Variants in RNF213 observed in about 807,000 individuals in gnomAD.
RNF213 encodes the protein E3 ubiquitin-protein ligase RNF213.
RNF213 carries 341 observed loss-of-function variants against 514.4 expected under a neutral mutation model. The observed-to-expected ratio is 0.66, with a 90% confidence interval of 0.61 to 0.73. RNF213 has a LOEUF of 0.73. Among genes scored for constraint, RNF213 ranks in the 30% least tolerant of loss-of-function variants. RNF213 has a pLI of 0.00. For synonymous variants in RNF213, 2,655 were observed against 2,658.2 expected, an observed-to-expected ratio of 1.00 and a Z score of 0.04; for missense variants, 5,767 against 6,615.6, an observed-to-expected ratio of 0.87 and a Z score of 4.45.
chr17:80,329,131 A>G (rs1432291741), intron 20 of RNF213, among the ~76,000 whole-genome samples: 1 of 152,148 alleles, frequency 6.6e-6, no homozygotes, highest in Non-Finnish European at 1.5e-5. Context: ...TCCACCTCCT[A>G]GGAGCCTTTG....
chr17:80,322,253 TG>T (rs1307959642), intron 17 of RNF213, among the ~76,000 whole-genome samples: 1 of 139,142 alleles, frequency 7.2e-6, no homozygotes, highest in African/African-American at 2.7e-5. Context: ...CTCAACCTCC[TG>T]GGCTGAAGTG....
intron 28 of RNF213, among the ~76,000 whole-genome samples, 162 bp downstream of exon 28, chr17:80,344,177 T>G (rs1003377664): frequency 3.3e-5 from 5 of 152,236 alleles, no homozygotes; most frequent in African/African-American, 1.2e-4. Flanking sequence ...TTAAACTCAC[T>G]TTTTAATCAT....
intron 22 of RNF213, among the ~76,000 whole-genome samples, chr17:80,334,925 CTTT>C (rs79024264): frequency 8.1e-6 from 1 of 123,514 alleles, no homozygotes; most frequent in Admixed American, 8.4e-5. Flanking sequence ...TGCACCTGGC[CTTT>C]TTTTTTTTTT....
At chr17:80,311,866 C>T (rs948194641) in intron 14 of RNF213, among the ~76,000 whole-genome samples, 2 of 152,218 alleles carry the variant, frequency 1.3e-5, no homozygotes, top group African/African-American at 4.8e-5. Flanking sequence ...GTAGCTCACA[C>T]CTGTAATCCC....
intron 3 of RNF213, among the ~76,000 whole-genome samples, chr17:80,277,169 G>A (rs2145186184): frequency 6.6e-6 from 1 of 152,272 alleles, no homozygotes; most frequent in East Asian, 1.9e-4. Context: ...GATACAAGAG[G>A]CCATGTATGA....
At chr17:80,326,652 T>C (rs1171067513) in intron 18 of RNF213, among the ~76,000 whole-genome samples, 3 of 152,244 alleles carry the variant, frequency 2.0e-5, no homozygotes, top group Non-Finnish European at 2.9e-5. Flanking sequence ...TGGAATCTTA[T>C]AGGATGTCGC....
chr17:80,374,585 T>C lies in RNF213; in HGVS notation c.13070T>C (p.Leu4357Pro), dbSNP rs551726071. 4 of 1,614,064 alleles carry C rather than the reference T, an allele frequency of 2.5e-6. No homozygotes were observed. The highest frequency in any genetic ancestry group is 1.3e-5 in the African/African-American group (1 of 74,950). Reference protein sequence around the residue: ...ECKPLGIKTALKACKTPQSQQ... With the variant: ...ECKPLGIKTAPKACKTPQSQQ... ...AAGCCACTGGGCATTAAGACTGCTC[T>C]GAAGGTAGGATGGGCCCGTGGCTTC... The change falls in exon 50 of 68, where the codon CTG becomes CCG. Residue 4357 changes from leucine (L) to proline (P), a missense_variant. Physicochemically the swap from Leu to Pro is moderately conservative, Grantham distance 98. Around this residue, in one of 13 missense-constraint regions of RNF213, gnomAD observed 1,245 missense variants for 1,339.0 expected, o/e 0.93. Transcript: ENST00000582970.
chr17:80,291,304 C>T lies in RNF213; in HGVS notation c.1272-324C>T, dbSNP rs370275484. Among the ~76,000 whole-genome samples the T allele has an allele frequency of 7.7e-4, 115 of 148,934 alleles. 1 individual carries two copies. The highest frequency in any genetic ancestry group is 2.4e-3 in the African/African-American group (95 of 40,376). On this transcript the variant is annotated intron_variant, in intron 7 of 67. Coordinates refer to ENST00000582970, the MANE Select transcript of RNF213 (RefSeq NM_001256071.3). ...TAGAGAGGGGATCTTGCTCTGTTGC[C>T]TAGGCTGGAGTGCAATCATGACTCA...
intron 64 of RNF213, 43 bp downstream of exon 64, chr17:80,388,732 T>C: frequency 1.4e-6 from 2 of 1,423,226 alleles, no homozygotes; most frequent in Non-Finnish European, 2.0e-6. Flanking sequence ...GCTTTCTGCC[T>C]TCTCAGTGTG....
rs2079429677 is a variant in RNF213, at chr17:80,369,534, A to G, written c.12188A>G (p.Gln4063Arg). 1.2e-6 allele frequency: 2 copies of G among 1,614,102 alleles called. No homozygotes were observed. Among genetic ancestry groups the G allele is most frequent in the Non-Finnish European group, 1.7e-6 (2 of 1,180,046 alleles). ...EAIEKHARFR[Q>R]MCNSFFVDLV... The stretch of plus-strand genomic sequence containing the variant: ...ATTGAAAAGCATGCCCGCTTCCGGC[A>G]GATGTGCAACAGTTTCTTCGTAGAC... Residue 4063 changes from glutamine to arginine, a missense_variant, in exon 45 of 68, where the codon CAG becomes CGG. By Grantham distance (43) the Gln-to-Arg change is conservative. Coordinates refer to ENST00000582970, the MANE Select transcript of RNF213 (RefSeq NM_001256071.3).
rs748659330 is a variant in RNF213 at position 80,332,162 on chromosome 17, A to G, written c.3674A>G (p.Asp1225Gly). The G allele has an allele frequency of 1.1e-4, 167 of 1,537,182 alleles. No individual in the cohort carries two copies. Among genetic ancestry groups the G allele is most frequent in the South Asian group, 1.7e-4 (14 of 84,060 alleles). ...SQVQEMAGKI[D>G]LLRDSHIFQL... The stretch of plus-strand genomic sequence containing the variant: ...GTCCAAGAAATGGCTGGGAAGATAG[A>G]CTTGCTCAGAGACAGCCACATCTTC... The change falls in exon 21 of 68, where the codon GAC becomes GGC. Residue 1225 changes from aspartate to glycine, a missense_variant. Asp to Gly is a moderately conservative substitution (Grantham distance 94). Transcript: ENST00000582970.
chr17:80,288,786 G>A lies in RNF213; in HGVS notation c.933+31G>A. On this transcript the variant is annotated intron_variant, in intron 5 of 67. Coordinates refer to ENST00000582970, the MANE Select transcript of RNF213 (RefSeq NM_001256071.3). The surrounding 1 kb of genome is among the most constrained non-coding windows in gnomAD (Gnocchi z 4.9). ...TCTCCTTCCTGCCTGCCGGCTCCAG[G>A]AGGCCCTCTCCTGCCCACGGCTGCG... 1 of 1,613,812 alleles carries A rather than the reference G, an allele frequency of 6.2e-7. No homozygotes were observed. Among genetic ancestry groups the A allele is most frequent in the Non-Finnish European group, 8.5e-7 (1 of 1,180,046 alleles).
chr17:80,271,320 C>T (rs923112870), intron 2 of RNF213, among the ~76,000 whole-genome samples: 3 of 152,176 alleles, frequency 2.0e-5, no homozygotes, highest in Admixed American at 2.0e-4. Context: ...AGGAACTTCA[C>T]GAATTCTTGA....
At position 80,339,348 on chromosome 17, in the gene RNF213, A is replaced by T. The variant is rs759834289; in HGVS notation, c.4981A>T (p.Thr1661Ser). Residue 1661 changes from threonine to serine, a missense_variant, in exon 26 of 68, where the codon ACG becomes TCG. Thr to Ser is a moderately conservative substitution (Grantham distance 58). This residue lies in a region of RNF213 where 1,377 missense variants were observed against 1,635.2 expected (regional missense o/e 0.84). Coordinates refer to ENST00000582970, the MANE Select transcript of RNF213 (RefSeq NM_001256071.3). ...AATGGACTTTGGCTTGGACCTGGTG[A>T]CGGAGCTTAAAGAAGGTGGAGATGT... ...LQMDFGLDLV[T>S]ELKEGGDVTE... 1 of 1,537,220 alleles carries T rather than the reference A, an allele frequency of 6.5e-7. No homozygotes were observed. The highest frequency in any genetic ancestry group is 8.7e-7 in the Non-Finnish European group (1 of 1,146,904).
Position 80,377,768 on chromosome 17 carries a change from C to G in RNF213, c.13517C>G (p.Pro4506Arg), listed in dbSNP as rs774359641. The part of the protein sequence containing the change: ...GLERVHWYTC[P>R]NGHPCSVGEC... ...TGTCCTGTTCTCTTCACAGCTTGTCCCAACGGCCATCCTTGCTCCGTGGGA... is the reference window on the plus strand; with the variant it reads ...TGTCCTGTTCTCTTCACAGCTTGTCGCAACGGCCATCCTTGCTCCGTGGGA... Residue 4506 changes from proline (P) to arginine (R), a missense_variant, in exon 54 of 68, where the codon CCC becomes CGC. Physicochemically the swap from Pro to Arg is moderately radical, Grantham distance 103. Transcript: ENST00000582970. This position sits in a 1 kb window ranked among gnomAD's most constrained non-coding sequence, Gnocchi z 4.1. 1.4e-5 allele frequency: 23 copies of G among 1,614,166 alleles called. No individual in the cohort carries two copies. The highest frequency in any genetic ancestry group is 1.8e-5 in the Non-Finnish European group (21 of 1,180,032).
Position 80,346,154 on chromosome 17 carries a change from C to G in RNF213, c.7819C>G (p.Leu2607Val). ...IVQRLVESIS[L>V]DENGTRVITE... ...CCAGAGACTGGTTGAGTCCATCAGC[C>G]TAGATGAAAACGGGACTCGCGTGAT... Residue 2607 changes from leucine to valine, a missense_variant, in exon 29 of 68, where the codon CTA becomes GTA. Coordinates refer to ENST00000582970, the MANE Select transcript of RNF213 (RefSeq NM_001256071.3). The surrounding 1 kb of genome is among the most constrained non-coding windows in gnomAD (Gnocchi z 8.1). 6.2e-7 allele frequency: 1 copy of G among 1,614,146 alleles called. No individual in the cohort carries two copies. The highest frequency in any genetic ancestry group is 8.5e-7 in the Non-Finnish European group (1 of 1,180,018).
At chr17:80,299,772 T>G (rs978343607) in intron 11 of RNF213, among the ~76,000 whole-genome samples, 1 of 152,138 alleles carries the variant, frequency 6.6e-6, no homozygotes, top group African/African-American at 2.4e-5. Context: ...TGTCCCTGTG[T>G]TCTCATCATT....
rs374527954 is a variant in RNF213, at chr17:80,317,174, T to C, written c.2812-14T>C. 2 of 1,609,886 alleles carry C rather than the reference T, an allele frequency of 1.2e-6. No individual in the cohort carries two copies. Among genetic ancestry groups the C allele is most frequent in the East Asian group, 2.2e-5 (1 of 44,786 alleles). On this transcript the variant is annotated splice_polypyrimidine_tract_variant and intron_variant, in intron 15 of 67. Transcript: ENST00000582970. This position sits in a 1 kb window ranked among gnomAD's most constrained non-coding sequence, Gnocchi z 4.1. ...GTCGTGAGAGTGGGTGTGACCTGTG[T>C]GCGGGTTTTGCAGGTCTGGAGGCGG...
Position 80,361,799 on chromosome 17 carries a change from C to T in RNF213, c.11266C>T (p.His3756Tyr). 2 of 1,614,124 alleles carry T rather than the reference C, an allele frequency of 1.2e-6. No homozygotes were observed. The highest frequency in any genetic ancestry group is 1.7e-6 in the Non-Finnish European group (2 of 1,179,962). ...TCTGGGCAGGTTTCTTGCCCAGCTC[C>T]ATGGAGAGCCGCAGCAGGAACTTCT... ...TPLGRFLAQL[H>Y]GEPQQELLQC... The change falls in exon 39 of 68, where the codon CAT (histidine) becomes TAT (tyrosine). Residue 3756 changes from histidine to tyrosine, a missense_variant. Coordinates refer to ENST00000582970, the MANE Select transcript of RNF213 (RefSeq NM_001256071.3).
Sources: allele counts gnomAD v4.1 joint callset (sites outside exome capture counted in the v4.1 genomes callset), GRCh38; gene constraint gnomAD v4.1.1; regional missense constraint gnomAD v4.1.1; non-coding constraint Gnocchi (gnomAD v3.1); transcripts MANE v1.5; gene names NCBI Gene and HGNC (gene_info 2026-07-23, HGNC 2026-07-21).